Variants in TUSC3 observed in about 807,000 individuals in gnomAD.
The protein encoded by TUSC3 is tumor suppressor candidate 3.
Under a neutral mutation model 44.8 loss-of-function variants are expected in TUSC3, and 45 were observed. The ratio of observed to expected loss-of-function variants is 1.00; its 90% CI spans 0.79 to 1.29. The LOEUF is 1.29. TUSC3 is among the 50% of genes most tolerant of loss of function. The probability of loss-of-function intolerance (pLI) is 0.00; values close to 1 mark genes in which losing one functional copy is unlikely to be tolerated. For missense variants in TUSC3, 519 were observed against 437.9 expected (o/e 1.19, Z -1.65); for synonymous variants, 212 against 152.9 (o/e 1.39, Z -2.85).
chr8:15,658,768 T>C (rs1045744453), intron 3 of TUSC3, among the ~76,000 whole-genome samples: 2 of 151,912 alleles, frequency 1.3e-5, no homozygotes, highest in Non-Finnish European at 1.5e-5. Flanking sequence ...TAACCTAATA[T>C]ATGTTTTTAG....
At chr8:15,470,547 G>C (rs1800476494) in intron 1 of TUSC3, among the ~76,000 whole-genome samples, 1 of 152,140 alleles carries the variant, frequency 6.6e-6, no homozygotes. Context: ...TATGTGTCGG[G>C]ACAGGAGGTA....
At chr8:15,831,590 G>T in the TUSC3 span, among the ~76,000 whole-genome samples, 1 of 152,128 alleles carries the variant, frequency 6.6e-6, no homozygotes, top group African/African-American at 2.4e-5. Context: ...AAAATAGCCA[G>T]TATAGAAAAG....
intron 1 of TUSC3, among the ~76,000 whole-genome samples, chr8:15,474,392 T>C (rs1016829938): frequency 6.6e-6 from 1 of 152,188 alleles, no homozygotes; most frequent in African/African-American, 2.4e-5. Context: ...AAGACAGGTG[T>C]AAGAAATTAT....
intron 6 of TUSC3, among the ~76,000 whole-genome samples, chr8:15,694,637 G>A (rs1809077262): frequency 6.6e-6 from 1 of 152,002 alleles, no homozygotes; most frequent in Non-Finnish European, 1.5e-5. Flanking sequence ...TATCCTTGGG[G>A]CCTTGATTAT....
At chr8:15,598,020 C>T (rs1352424383) in intron 1 of TUSC3, among the ~76,000 whole-genome samples, 5 of 152,072 alleles carry the variant, frequency 3.3e-5, no homozygotes, top group South Asian at 4.1e-4. Context: ...TTGCTTTTCA[C>T]GTAAATTTGT....
chr8:15,591,871 A>G (rs1208733922), intron 1 of TUSC3, among the ~76,000 whole-genome samples: 1 of 152,184 alleles, frequency 6.6e-6, no homozygotes, highest in Non-Finnish European at 1.5e-5. Flanking sequence ...CCAAGAGTAG[A>G]TGGTCAAAAG....
At chr8:15,751,970 A>C (rs1240228808) in intron 9 of TUSC3, among the ~76,000 whole-genome samples, 1 of 152,186 alleles carries the variant, frequency 6.6e-6, no homozygotes, top group Non-Finnish European at 1.5e-5. Flanking sequence ...TCTCAGTTTT[A>C]AATTTGAGTT....
intron 1 of TUSC3, among the ~76,000 whole-genome samples, chr8:15,618,702 A>C (rs1410990954): frequency 6.6e-6 from 1 of 152,202 alleles, no homozygotes; most frequent in Non-Finnish European, 1.5e-5. Flanking sequence ...AAATACATAA[A>C]ACCAGTAACA....
At chr8:15,589,678 A>G (rs1803741844) in intron 1 of TUSC3, among the ~76,000 whole-genome samples, 1 of 151,888 alleles carries the variant, frequency 6.6e-6, no homozygotes, top group African/African-American at 2.4e-5. Flanking sequence ...ACATCTTTAC[A>G]GTATAAAGAA....
chr8:15,522,110 G>T (rs1801307276), intron 2 of TUSC3, among the ~76,000 whole-genome samples: 1 of 152,134 alleles, frequency 6.6e-6, no homozygotes, highest in Non-Finnish European at 1.5e-5. Flanking sequence ...GTAGACTATT[G>T]TTGTGTCCAA....
At chr8:15,689,059 T>G (rs1808773116) in intron 6 of TUSC3, 5 of 332,234 alleles carry the variant, frequency 1.5e-5, no homozygotes, top group South Asian at 1.3e-4. Flanking sequence ...TCAATGTCAT[T>G]TACAAAATCT....
At chr8:15,824,459 G>A in the TUSC3 span, among the ~76,000 whole-genome samples, 6 of 120,976 alleles carry the variant, frequency 5.0e-5, no homozygotes, top group Non-Finnish European at 1.2e-4. Context: ...TCCCCACAAA[G>A]GACATGAACT....
At chr8:15,516,076 G>A (rs1801212741) in intron 2 of TUSC3, among the ~76,000 whole-genome samples, 1 of 152,284 alleles carries the variant, frequency 6.6e-6, no homozygotes, top group Non-Finnish European at 1.5e-5. Context: ...TCAGAAGAAT[G>A]TATAAAGCAG....
At chr8:15,626,385 G>C (rs1343532211) in intron 2 of TUSC3, among the ~76,000 whole-genome samples, 1 of 152,360 alleles carries the variant, frequency 6.6e-6, no homozygotes, top group Admixed American at 6.5e-5. Context: ...AGGCGGAACT[G>C]GGTCTGGGGC....
intron 5 of TUSC3, 142 bp downstream of exon 5, chr8:15,662,438 T>G (rs1431212834): frequency 1.4e-5 from 17 of 1,184,218 alleles, no homozygotes; most frequent in Non-Finnish European, 1.9e-5. Flanking sequence ...CTTGGATAAT[T>G]TAGTTTGAGT....
At chr8:15,711,977 G>A (rs924878093) in intron 6 of TUSC3, among the ~76,000 whole-genome samples, 2 of 151,856 alleles carry the variant, frequency 1.3e-5, no homozygotes, top group African/African-American at 4.8e-5. Flanking sequence ...TATTATTGTT[G>A]TGATTTGTTC....
chr8:15,616,771 G>A (rs1805002414), intron 1 of TUSC3, among the ~76,000 whole-genome samples: 1 of 152,144 alleles, frequency 6.6e-6, no homozygotes, highest in Admixed American at 6.5e-5. Context: ...TTGGTGCTCT[G>A]CCGTTGCTGG....
the TUSC3 span, among the ~76,000 whole-genome samples, chr8:15,814,067 G>C: frequency 6.6e-6 from 1 of 152,144 alleles, no homozygotes; most frequent in African/African-American, 2.4e-5. Flanking sequence ...GAGTACTTCT[G>C]TATTATTTAT....
rs757990223 is a variant in TUSC3 at position 15,417,575 on chromosome 8, C to G, written n.91+270C>G. On this transcript the variant is annotated intron_variant and non_coding_transcript_variant, in intron 1 of 5. Transcript: ENST00000503191. ...GCAAGTCACTGAAGGCTTTCAATTTCATTTGCAATTTAAACGCTTACTCTA... is the reference window on the plus strand; with the variant it reads ...GCAAGTCACTGAAGGCTTTCAATTTGATTTGCAATTTAAACGCTTACTCTA... Among the ~76,000 whole-genome samples, 3 of 152,306 alleles carry G rather than the reference C, an allele frequency of 2.0e-5. No homozygotes were observed. The East Asian group carries it at 5.8e-4, about 29-fold the overall frequency.
Sources: gnomAD v4.1 joint callset for allele counts (sites outside exome capture counted in the v4.1 genomes callset) on GRCh38, gnomAD v4.1.1 for gene constraint, MANE v1.5 for transcripts, NCBI Gene and HGNC (gene_info 2026-07-23, HGNC 2026-07-21) for gene names.